Variants in OCA2 observed in about 807,000 individuals in gnomAD.
OCA2 encodes the protein OCA2 melanosomal transmembrane protein.
In OCA2, 77 loss-of-function variants were observed where a neutral mutation model predicts 100.2. The observed-to-expected ratio is 0.77, with a 90% CI of 0.64 to 0.93. The LOEUF (loss-of-function observed/expected upper bound fraction) is 0.93, where lower values mean the gene tolerates loss of function less well. Among genes scored for constraint, OCA2 ranks in the 40% least tolerant of loss-of-function variants. The pLI, the probability that OCA2 is intolerant of heterozygous loss-of-function variation, is 0.00. For synonymous variants in OCA2, 432 were observed against 439.2 expected, an observed-to-expected ratio of 0.98 and a Z score of 0.21; for missense variants, 1,062 against 1,089.1, an observed-to-expected ratio of 0.98 and a Z score of 0.35.
chr15:28,081,519 T>C (rs956855138), intron 2 of OCA2, 129 bp downstream of exon 2: 4 of 795,430 alleles, frequency 5.0e-6, no homozygotes, highest in Non-Finnish European at 8.6e-6. Flanking sequence ...AGGAAAGTGA[T>C]CTAATGCTGG....
At chr15:28,065,468 T>C (rs1337466974) in intron 2 of OCA2, among the ~76,000 whole-genome samples, 1 of 152,170 alleles carries the variant, frequency 6.6e-6, no homozygotes, top group African/African-American at 2.4e-5. Context: ...ATGTTCTGAG[T>C]TAGGCAAAAC....
At chr15:27,730,789 C>T in the OCA2 span, among the ~76,000 whole-genome samples, 66,500 of 127,146 alleles carry the variant, frequency 0.52, 18,163 homozygotes, top group African/African-American at 0.59. Context: ...GTTTTTTTTT[C>T]AAATTATATC....
At chr15:28,076,100 C>T (rs1292108452) in intron 2 of OCA2, among the ~76,000 whole-genome samples, 1 of 152,128 alleles carries the variant, frequency 6.6e-6, no homozygotes, top group Non-Finnish European at 1.5e-5. Context: ...ATTTAAGAAA[C>T]TACAAAGCAA....
intron 2 of OCA2, among the ~76,000 whole-genome samples, chr15:28,077,496 C>T (rs1338649143): frequency 6.6e-6 from 1 of 152,218 alleles, no homozygotes; most frequent in East Asian, 1.9e-4. Context: ...TGGAAGTCCT[C>T]AGCTAGGACA....
chr15:27,827,454 G>A (rs6497244), intron 23 of OCA2, among the ~76,000 whole-genome samples: 76,407 of 151,604 alleles, frequency 0.5, 19,806 homozygotes, highest in South Asian at 0.76. Context: ...GAGTGCCGAC[G>A]GAGCTGGGGA....
At chr15:27,951,207 C>T (rs558580068) in intron 18 of OCA2, among the ~76,000 whole-genome samples, 41 of 152,294 alleles carry the variant, frequency 2.7e-4, no homozygotes, top group African/African-American at 8.9e-4. Flanking sequence ...CTGGCCACAG[C>T]ACAGGCTAGA....
chr15:27,779,507 T>A (rs551363282), intron 23 of OCA2, among the ~76,000 whole-genome samples: 1 of 152,336 alleles, frequency 6.6e-6, no homozygotes, highest in African/African-American at 2.4e-5. Flanking sequence ...TTCATCATTA[T>A]ATGGCATCTT....
At position 27,800,947 on chromosome 15, in the gene OCA2, A is replaced by G. The variant is rs143103007; in HGVS notation, c.2432+44012T>C. Among the ~76,000 whole-genome samples, 159 of 152,330 alleles carry G rather than the reference A, an allele frequency of 1.0e-3. 1 individual carries two copies. The highest frequency in any genetic ancestry group is 3.1e-3 in the Admixed American group (47 of 15,304). ...GCATCACTGTACTCCAGCCTAGGCA[A>G]CAGAGTGAGACCCTACCTCGAAAAA... On this transcript the variant is annotated intron_variant, in intron 23 of 23. Coordinates refer to ENST00000354638, the MANE Select transcript of OCA2 (RefSeq NM_000275.3).
chr15:27,882,203 A>G (rs756048344), intron 19 of OCA2, among the ~76,000 whole-genome samples: 1 of 152,152 alleles, frequency 6.6e-6, no homozygotes. Flanking sequence ...TGAAACTCCA[A>G]TTTTTGGTCG....
intron 14 of OCA2, among the ~76,000 whole-genome samples, chr15:27,978,204 C>T (rs950346626): frequency 7.2e-5 from 11 of 152,130 alleles, no homozygotes; most frequent in African/African-American, 2.4e-4. Context: ...TGAGATCTGT[C>T]TTATGGCCTA....
intron 23 of OCA2, among the ~76,000 whole-genome samples, chr15:27,810,675 G>GA (rs371807777): frequency 6.6e-6 from 1 of 151,916 alleles, no homozygotes; most frequent in African/African-American, 2.4e-5. Context: ...AAATCTGCAA[G>GA]AAAAAAACAA....
chr15:28,078,998 G>A (rs1481220213), intron 2 of OCA2, among the ~76,000 whole-genome samples: 1 of 152,192 alleles, frequency 6.6e-6, no homozygotes, highest in Non-Finnish European at 1.5e-5. Context: ...GCAGGCTACA[G>A]CCTCTGCCTG....
intron 23 of OCA2, among the ~76,000 whole-genome samples, chr15:27,758,589 G>A (rs969465392): frequency 1.3e-5 from 2 of 152,080 alleles, no homozygotes; most frequent in African/African-American, 4.8e-5. Context: ...AACAAGCAAT[G>A]ACAAACACAC....
chr15:27,955,864 T>C (rs1292866762), intron 16 of OCA2, among the ~76,000 whole-genome samples: 2 of 152,058 alleles, frequency 1.3e-5, no homozygotes, highest in Non-Finnish European at 2.9e-5. Flanking sequence ...CTCTTCTTTT[T>C]CATGTTTCTG....
intron 9 of OCA2, among the ~76,000 whole-genome samples, chr15:27,999,046 T>A (rs1330119006): frequency 3.9e-3 from 583 of 147,836 alleles, no homozygotes; most frequent in Middle Eastern, 6.8e-3. Flanking sequence ...CTGGGGACTG[T>A]TGTGGGGTGG....
chr15:27,973,564 T>C (rs1394172119), intron 14 of OCA2, among the ~76,000 whole-genome samples: 1 of 152,234 alleles, frequency 6.6e-6, no homozygotes, highest in Admixed American at 6.5e-5. Context: ...ACTAGTACCA[T>C]GCTGTTTTGG....
chr15:28,004,848 C>T (rs2042043137), intron 9 of OCA2, among the ~76,000 whole-genome samples: 1 of 152,096 alleles, frequency 6.6e-6, no homozygotes, highest in Non-Finnish European at 1.5e-5. Flanking sequence ...AACACACACA[C>T]AGTCACACAC....
rs1379621042 is a variant in OCA2, at chr15:27,985,137, G to C, written c.1291C>G (p.Leu431Val). 1 of 1,613,888 alleles carries C rather than the reference G, an allele frequency of 6.2e-7. No homozygotes were observed. The highest frequency in any genetic ancestry group is 8.5e-7 in the Non-Finnish European group (1 of 1,180,004). The change falls in exon 13 of 24, where the codon CTC becomes GTC. Residue 431 changes from leucine (L) to valine (V), a missense_variant. By Grantham distance (32) the Leu-to-Val change is conservative (BLOSUM62 1). Coordinates refer to ENST00000354638, the MANE Select transcript of OCA2 (RefSeq NM_000275.3). ...AAGGCAGAGAGGACGGCCGCGATGA[G>C]ACAGAGCATGATGATCATGGCCCAC... ...RVWAMIIMLC[L>V]IAAVLSAFLD...
At chr15:28,039,378 C>G (rs1210702722) in intron 2 of OCA2, among the ~76,000 whole-genome samples, 1 of 152,070 alleles carries the variant, frequency 6.6e-6, no homozygotes, top group Non-Finnish European at 1.5e-5. Context: ...GAAACGTTTT[C>G]CAGAATAGAC....
Sources: allele counts gnomAD v4.1 joint callset (sites outside exome capture counted in the v4.1 genomes callset), GRCh38; gene constraint gnomAD v4.1.1; transcripts MANE v1.5; gene names NCBI Gene and HGNC (gene_info 2026-07-23, HGNC 2026-07-21).